PDXDC1: variants seen among roughly 807,000 people sequenced by gnomAD.
The protein encoded by PDXDC1 is pyridoxal-dependent decarboxylase domain-containing protein 1.
Under a neutral mutation model 100.1 loss-of-function variants are expected in PDXDC1, and 42 were observed. That is an observed-to-expected ratio of 0.42 (90% CI 0.33 to 0.54). The LOEUF is 0.54. Ranked by LOEUF, PDXDC1 falls within the 20% of genes least tolerant of loss-of-function variation. The pLI is 0.10. For missense variants in PDXDC1, 636 were observed against 979.2 expected, an observed-to-expected ratio of 0.65 and a Z score of 4.68; for synonymous variants, 260 against 371.7, an observed-to-expected ratio of 0.70 and a Z score of 3.46.
chr16:14,986,284 T>C (rs1355592779), intron 1 of PDXDC1, among the ~76,000 whole-genome samples: 1 of 152,274 alleles, frequency 6.6e-6, no homozygotes, highest in Non-Finnish European at 1.5e-5. Flanking sequence ...CCGGCCAACA[T>C]GGTAAGATCC....
intron 6 of PDXDC1, among the ~76,000 whole-genome samples, chr16:15,007,157 C>CT (rs56256230): frequency 0.035 from 2,599 of 74,084 alleles, 292 homozygotes; most frequent in East Asian, 0.07. Flanking sequence ...AAGAGCATGA[C>CT]TTTTTTTTTT....
intron 16 of PDXDC1, among the ~76,000 whole-genome samples, chr16:15,096,559 A>G (rs1179663395): frequency 6.6e-6 from 1 of 152,258 alleles, no homozygotes. Context: ...AAATAATTGC[A>G]CCGTAGCTCA....
intron 12 of PDXDC1, among the ~76,000 whole-genome samples, chr16:15,021,363 C>T (rs780858516): frequency 2.4e-4 from 36 of 151,938 alleles, no homozygotes; most frequent in African/African-American, 3.6e-4. Flanking sequence ...CCAGCCTGGG[C>T]GACAGAGTAG....
intron 16 of PDXDC1, chr16:15,104,612 G>C (rs759043989): frequency 1.3e-5 from 20 of 1,598,814 alleles, no homozygotes; most frequent in Admixed American, 3.3e-5. Flanking sequence ...CAGGTGTCTT[G>C]AGGCTCAGGG....
At chr16:14,992,067 A>G (rs1380965400) in intron 1 of PDXDC1, among the ~76,000 whole-genome samples, 2 of 152,290 alleles carry the variant, frequency 1.3e-5, no homozygotes, top group Non-Finnish European at 2.9e-5. Context: ...GCACATTTAT[A>G]CTGGAAAGCA....
At chr16:15,014,647 C>A (rs2041642278) in intron 8 of PDXDC1, among the ~76,000 whole-genome samples, 6 of 152,256 alleles carry the variant, frequency 3.9e-5, no homozygotes, top group Admixed American at 3.9e-4. Context: ...CTGGCATAGA[C>A]CTTACAAAAG....
chr16:15,024,919 T>C, intron 13 of PDXDC1, among the ~76,000 whole-genome samples: 1 of 152,310 alleles, frequency 6.6e-6, no homozygotes, highest in Non-Finnish European at 1.5e-5. Flanking sequence ...TGTAAAGGCC[T>C]TATACAGACT....
At chr16:15,129,389 A>C (rs550671660) in intron 16 of PDXDC1, among the ~76,000 whole-genome samples, 2 of 152,180 alleles carry the variant, frequency 1.3e-5, no homozygotes, top group South Asian at 2.1e-4. Flanking sequence ...CTGTGAGCCA[A>C]GATCACGCCA....
At chr16:14,993,567 A>T (rs1202721923) in intron 1 of PDXDC1, among the ~76,000 whole-genome samples, 29 of 152,292 alleles carry the variant, frequency 1.9e-4, no homozygotes, top group African/African-American at 7.0e-4. Context: ...GTTGGTTCCA[A>T]GTCTTTGCTA....
intron 16 of PDXDC1, chr16:15,061,354 A>G (rs2044703298): frequency 1.0e-5 from 2 of 192,090 alleles, no homozygotes; most frequent in East Asian, 2.6e-4. Context: ...GTCAAGTCCT[A>G]AGACCATGGA....
At chr16:15,102,959 C>G (rs927128107) in intron 16 of PDXDC1, among the ~76,000 whole-genome samples, 1 of 145,386 alleles carries the variant, frequency 6.9e-6, no homozygotes, top group African/African-American at 2.7e-5. Flanking sequence ...AATTAAAAAA[C>G]CAGCCGGGCA....
At chr16:15,071,747 G>A (rs546573436) in intron 16 of PDXDC1, among the ~76,000 whole-genome samples, 24 of 152,242 alleles carry the variant, frequency 1.6e-4, no homozygotes, top group African/African-American at 4.6e-4. Context: ...CAGCCTGGGT[G>A]ACAGAGTGAG....
intron 16 of PDXDC1, among the ~76,000 whole-genome samples, chr16:15,109,428 G>A (rs370861288): frequency 6.9e-6 from 1 of 145,964 alleles, no homozygotes; most frequent in African/African-American, 2.5e-5. Context: ...GGAGGCCGAG[G>A]TGTGCGGATC....
intron 16 of PDXDC1, among the ~76,000 whole-genome samples, chr16:15,054,784 C>T (rs1249968904): frequency 6.6e-6 from 1 of 152,150 alleles, no homozygotes; most frequent in Non-Finnish European, 1.5e-5. Flanking sequence ...AGTGAGGACA[C>T]TACTCTTATC....
At chr16:15,097,523 T>G (rs974199883) in intron 16 of PDXDC1, among the ~76,000 whole-genome samples, 2 of 134,582 alleles carry the variant, frequency 1.5e-5, no homozygotes, top group African/African-American at 5.5e-5. Context: ...GCACTTGTAA[T>G]CCCAGCTACT....
intron 1 of PDXDC1, among the ~76,000 whole-genome samples, chr16:14,975,851 A>C (rs1170347536): frequency 2.0e-5 from 3 of 152,286 alleles, no homozygotes; most frequent in Non-Finnish European, 4.4e-5. Flanking sequence ...TGAGCCTGCG[A>C]TCACCGGGCG....
intron 16 of PDXDC1, chr16:15,094,372 C>T (rs908091531): frequency 5.1e-6 from 4 of 778,256 alleles, no homozygotes; most frequent in Admixed American, 2.7e-5. Context: ...CGTATGCTCT[C>T]GGCGGGCTAG....
At chr16:15,135,451 C>T (rs1362334237) in intron 16 of PDXDC1, 15 of 1,224,124 alleles carry the variant, frequency 1.2e-5, no homozygotes, top group South Asian at 2.6e-5. Context: ...GAACAAGGGG[C>T]GACGTGGCCC....
chr16:14,980,934 G>T (rs1161610953), intron 1 of PDXDC1, among the ~76,000 whole-genome samples: 1 of 152,290 alleles, frequency 6.6e-6, no homozygotes, highest in Non-Finnish European at 1.5e-5. Flanking sequence ...AAGGTGAGCT[G>T]TGGTCAAAGC....
Sources: gnomAD v4.1 joint callset for allele counts (sites outside exome capture counted in the v4.1 genomes callset) on GRCh38, gnomAD v4.1.1 for gene constraint, MANE v1.5 for transcripts, NCBI Gene and HGNC (gene_info 2026-07-23, HGNC 2026-07-21) for gene names.